The following CDH19 variants were observed in gnomAD, a reference collection of about 807,000 sequenced individuals.
CDH19 encodes cadherin-19.
Under a neutral mutation model 64.2 loss-of-function variants are expected in CDH19, and 67 were observed. The ratio of observed to expected loss-of-function variants is 1.04; its 90% CI spans 0.86 to 1.28. The LOEUF (loss-of-function observed/expected upper bound fraction) is 1.28. Ranked by LOEUF, CDH19 falls within the 50% of genes most tolerant of loss-of-function variation. CDH19 has a pLI of 0.00. For synonymous variants in CDH19, 346 were observed against 319.3 expected, an observed-to-expected ratio of 1.08 and a Z score of -0.89; for missense variants, 1,030 against 929.0, an observed-to-expected ratio of 1.11 and a Z score of -1.41.
At chr18:66,543,875 T>A in intron 7 of CDH19, 96 bp downstream of exon 7, 1 of 871,892 alleles carries the variant, frequency 1.1e-6, no homozygotes, top group Non-Finnish European at 1.7e-6. Flanking sequence ...AGAGTGAGAC[T>A]CCCTCTCAAT....
intron 1 of CDH19, among the ~76,000 whole-genome samples, chr18:66,576,442 T>A (rs1323867393): frequency 2.0e-5 from 3 of 151,526 alleles, no homozygotes; most frequent in African/African-American, 4.8e-5. Context: ...ATAAATAATA[T>A]CATTTCATAA....
At chr18:66,547,443 A>G (rs1987158294) in intron 5 of CDH19, among the ~76,000 whole-genome samples, 1 of 151,992 alleles carries the variant, frequency 6.6e-6, no homozygotes, top group African/African-American at 2.4e-5. Flanking sequence ...AGGCTGGGGG[A>G]AAAATTATGG....
chr18:66,556,924 G>A (rs1402391793), intron 3 of CDH19, among the ~76,000 whole-genome samples: 2 of 151,882 alleles, frequency 1.3e-5, no homozygotes, highest in African/African-American at 4.8e-5. Context: ...GGCAAGTGTT[G>A]GTGAGAGTAT....
intron 10 of CDH19, among the ~76,000 whole-genome samples, chr18:66,510,846 C>A (rs1985447953): frequency 6.6e-6 from 1 of 151,496 alleles, no homozygotes; most frequent in Non-Finnish European, 1.5e-5. Context: ...TTAACCTCAG[C>A]TGTAAGGAGA....
At chr18:66,565,207 C>G (rs1296492759) in intron 3 of CDH19, among the ~76,000 whole-genome samples, 1 of 151,882 alleles carries the variant, frequency 6.6e-6, no homozygotes, top group East Asian at 1.9e-4. Context: ...TGTTTTATCT[C>G]AACTCTACTT....
chr18:66,551,290 C>A (rs781481916), intron 4 of CDH19, 32 bp from the exon 5 acceptor site: 3 of 1,091,280 alleles, frequency 2.7e-6, no homozygotes, highest in Non-Finnish European at 4.2e-6. Context: ...CCAATTATTT[C>A]ATTATTAATC....
chr18:66,530,111 T>G (rs1443407635), intron 8 of CDH19, 145 bp from the exon 9 acceptor site: 1 of 380,616 alleles, frequency 2.6e-6, no homozygotes, highest in African/African-American at 2.1e-5. Flanking sequence ...TCTATATGAT[T>G]CACCTACTTA....
chr18:66,544,321 C>A, intron 6 of CDH19, 97 bp from the exon 7 acceptor site: 3 of 1,152,164 alleles, frequency 2.6e-6, no homozygotes, highest in Non-Finnish European at 3.6e-6. Flanking sequence ...GTCTCAGTGG[C>A]CTTTCAGTTA....
chr18:66,551,434 A>G (rs927094518), intron 4 of CDH19, among the ~76,000 whole-genome samples, 176 bp from the exon 5 acceptor site: 2 of 152,074 alleles, frequency 1.3e-5, no homozygotes, highest in Non-Finnish European at 2.9e-5. Flanking sequence ...CACTGCCTAG[A>G]GTCTAGAGTG....
chr18:66,588,072 C>A (rs2144619351), intron 1 of CDH19, among the ~76,000 whole-genome samples: 1 of 152,262 alleles, frequency 6.6e-6, no homozygotes, highest in African/African-American at 2.4e-5. Context: ...GAGCCACTAT[C>A]TGTGTTGAGT....
chr18:66,565,643 G>GA (rs1326186274), intron 3 of CDH19, among the ~76,000 whole-genome samples: 5 of 151,628 alleles, frequency 3.3e-5, no homozygotes, highest in African/African-American at 1.2e-4. Flanking sequence ...TGAGATTGAG[G>GA]AAAAAAGATA....
intron 8 of CDH19, among the ~76,000 whole-genome samples, chr18:66,530,373 C>A (rs1986396278): frequency 6.6e-6 from 1 of 151,932 alleles, no homozygotes; most frequent in Non-Finnish European, 1.5e-5. Flanking sequence ...AATTGATAAA[C>A]CATTTAGTTT....
chr18:66,593,922 G>A (rs1224039572), intron 1 of CDH19, among the ~76,000 whole-genome samples: 5 of 152,046 alleles, frequency 3.3e-5, no homozygotes, highest in African/African-American at 1.2e-4. Context: ...GCAATGAGAG[G>A]TTTGGAGTTA....
chr18:66,552,683 G>A (rs1409879447), intron 4 of CDH19, among the ~76,000 whole-genome samples: 3 of 134,516 alleles, frequency 2.2e-5, no homozygotes, highest in Non-Finnish European at 4.6e-5. Flanking sequence ...CAGAACTTAT[G>A]CTTTCAGTAA....
intron 3 of CDH19, among the ~76,000 whole-genome samples, chr18:66,557,717 T>G (rs1276030544): frequency 6.6e-6 from 1 of 151,974 alleles, no homozygotes; most frequent in East Asian, 1.9e-4. Context: ...ACTCCTTACA[T>G]TTTTTGTGTG....
chr18:66,603,789 T>A lies in CDH19; in HGVS notation c.-113+165A>T, dbSNP rs538291487. Among the ~76,000 whole-genome samples the A allele has an allele frequency of 1.1e-4, 16 of 152,228 alleles. 2 individuals carry two copies. The South Asian group carries it at 3.1e-3, about 30-fold the overall frequency. On this transcript the variant is annotated intron_variant, in intron 1 of 11. Coordinates refer to ENST00000262150, the MANE Select transcript of CDH19 (RefSeq NM_021153.4). ...GAAAGTTCAGTACAAGTACACATCA[T>A]GGTTTTAAAATTTTTAGAATATTTT...
intron 4 of CDH19, among the ~76,000 whole-genome samples, 158 bp downstream of exon 4, chr18:66,554,247 C>T (rs1172442480): frequency 6.6e-6 from 1 of 151,918 alleles, no homozygotes; most frequent in African/African-American, 2.4e-5. Context: ...GAAGTATCAG[C>T]TAAAAGACTA....
At chr18:66,526,445 T>C (rs186668654) in intron 9 of CDH19, among the ~76,000 whole-genome samples, 5 of 152,122 alleles carry the variant, frequency 3.3e-5, no homozygotes, top group Non-Finnish European at 5.9e-5. Context: ...GCATTTGAGT[T>C]TCCTTTGGAT....
intron 1 of CDH19, among the ~76,000 whole-genome samples, chr18:66,589,610 T>C (rs1386167156): frequency 6.6e-6 from 1 of 151,396 alleles, no homozygotes; most frequent in Non-Finnish European, 1.5e-5. Flanking sequence ...AAATTTACTC[T>C]ACTATCAAAA....
Sources: allele counts gnomAD v4.1 joint callset (sites outside exome capture counted in the v4.1 genomes callset), GRCh38; gene constraint gnomAD v4.1.1; transcripts MANE v1.5; gene names NCBI Gene and HGNC (gene_info 2026-07-23, HGNC 2026-07-21).